KAZN: variants seen among roughly 807,000 people sequenced by gnomAD.
KAZN encodes kazrin.
KAZN carries 40 observed loss-of-function variants against 87.4 expected under a neutral mutation model. The ratio of observed to expected loss-of-function variants is 0.46; its 90% CI spans 0.36 to 0.60. KAZN has a LOEUF of 0.60. KAZN is among the 20% of genes least tolerant of loss of function. The pLI is 0.00. For missense variants in KAZN, 898 were observed against 1,073.9 expected (o/e 0.84, Z 2.29); for synonymous variants, 466 against 458.3 (o/e 1.02, Z -0.22).
chr1:14,394,974 G>T (rs1662773041), intron 2 of KAZN, among the ~76,000 whole-genome samples: 1 of 152,148 alleles, frequency 6.6e-6, no homozygotes, highest in Non-Finnish European at 1.5e-5. Context: ...CTAAGTCCTA[G>T]GCAGTGATCT....
At chr1:14,069,421 G>A (rs747336050) in intron 1 of KAZN, among the ~76,000 whole-genome samples, 9 of 152,178 alleles carry the variant, frequency 5.9e-5, no homozygotes, top group East Asian at 1.9e-4. Context: ...TGCACTGTGC[G>A]CTGGGACTCT....
chr1:14,880,688 G>C (rs1400038898), intron 1 of KAZN, among the ~76,000 whole-genome samples: 1 of 152,198 alleles, frequency 6.6e-6, no homozygotes, highest in African/African-American at 2.4e-5. Flanking sequence ...GCTGGGCTCA[G>C]CTGGGACTGC....
chr1:14,146,212 T>C (rs951407823), intron 1 of KAZN, among the ~76,000 whole-genome samples: 4 of 151,888 alleles, frequency 2.6e-5, no homozygotes, highest in African/African-American at 9.7e-5. Flanking sequence ...CCTCCTTATT[T>C]ACTGGAGGAT....
rs568450290 is a variant in KAZN, at chr1:14,333,321, A to C, written c.249+152729A>C. Among the ~76,000 whole-genome samples, 95 of 152,310 alleles carry C rather than the reference A, an allele frequency of 6.2e-4. 1 individual carries two copies. Among genetic ancestry groups the C allele is most frequent in the Non-Finnish European group, 6.5e-4 (44 of 68,034 alleles). On this transcript the variant is annotated intron_variant, in intron 2 of 16. Coordinates refer to the KAZN transcript ENST00000636203. ...TTCGGGTTGATTCCATGTCTTTGCT[A>C]TTGTGAATAGTGCTGCAGTGAACAT... is the stretch of plus-strand genomic sequence containing the variant.
chr1:14,592,645 C>T (rs1285775209), intron 2 of KAZN, among the ~76,000 whole-genome samples: 1 of 152,184 alleles, frequency 6.6e-6, no homozygotes, highest in Non-Finnish European at 1.5e-5. Flanking sequence ...ACACCGTTTG[C>T]AGGAAGTGGC....
intron 1 of KAZN, among the ~76,000 whole-genome samples, chr1:14,685,648 G>T (rs554945009): frequency 6.6e-6 from 1 of 152,310 alleles, no homozygotes; most frequent in East Asian, 1.9e-4. Flanking sequence ...TATGCCAGTT[G>T]TACTGTTATT....
At chr1:14,064,708 C>G (rs754883177) in intron 1 of KAZN, among the ~76,000 whole-genome samples, 9 of 152,220 alleles carry the variant, frequency 5.9e-5, no homozygotes, top group Non-Finnish European at 8.8e-5. Context: ...GTCAGAGGCC[C>G]TGCCTGGCAA....
chr1:14,875,592 CAGG>C (rs1652681311), intron 1 of KAZN, among the ~76,000 whole-genome samples: 1 of 152,042 alleles, frequency 6.6e-6, no homozygotes, highest in African/African-American at 2.4e-5. Context: ...AGGCACAGAC[CAGG>C]CTTCCTACGC....
At chr1:14,603,970 A>G (rs564754690) in intron 1 of KAZN, among the ~76,000 whole-genome samples, 5 of 152,300 alleles carry the variant, frequency 3.3e-5, no homozygotes, top group Admixed American at 2.0e-4. Context: ...CTATATATTC[A>G]TTCCTGGGCT....
chr1:15,053,257 C>G (rs1674606260), intron 4 of KAZN, among the ~76,000 whole-genome samples: 1 of 152,200 alleles, frequency 6.6e-6, no homozygotes, highest in Non-Finnish European at 1.5e-5. Context: ...AAGGCAGGTG[C>G]CGCCACCGAC....
chr1:13,983,274 G>C (rs1638834987), intron 1 of KAZN, among the ~76,000 whole-genome samples: 1 of 152,246 alleles, frequency 6.6e-6, no homozygotes, highest in Non-Finnish European at 1.5e-5. Flanking sequence ...GGGAGGCTCA[G>C]GCATGGCGGG....
At chr1:14,366,471 C>A (rs1427016082) in intron 2 of KAZN, among the ~76,000 whole-genome samples, 1 of 152,228 alleles carries the variant, frequency 6.6e-6, no homozygotes, top group Non-Finnish European at 1.5e-5. Flanking sequence ...CTTTCCTAAG[C>A]CCTTCACTGG....
At chr1:14,329,106 T>C (rs147174230) in intron 2 of KAZN, among the ~76,000 whole-genome samples, 84 of 152,280 alleles carry the variant, frequency 5.5e-4, no homozygotes, top group Middle Eastern at 3.4e-3. Flanking sequence ...GCTGGAACAA[T>C]GTTGTCAGAA....
At position 15,051,760 on chromosome 1, in the gene KAZN, C is replaced by T. The variant is rs1268293708; in HGVS notation, c.727-4331C>T. On this transcript the variant is annotated intron_variant, in intron 4 of 14. Transcript: ENST00000376030. ...AAGAACTGTGCCAGGGCCTGGCCAC[C>T]TCATCACACAACTCCAGAGGGTGCT... Among the ~76,000 whole-genome samples the T allele has an allele frequency of 2.6e-5, 4 of 152,298 alleles. No homozygotes were observed. The East Asian group carries it at 5.8e-4, about 22-fold the overall frequency.
Position 14,158,296 on chromosome 1 carries a change from C to A in KAZN, c.92-22139C>A, listed in dbSNP as rs539312776. Among the ~76,000 whole-genome samples, 108 of 151,856 alleles carry A rather than the reference C, an allele frequency of 7.1e-4. 1 individual carries two copies. Among genetic ancestry groups the A allele is most frequent in the African/African-American group, 2.5e-3 (105 of 41,420 alleles). On this transcript the variant is annotated intron_variant, in intron 1 of 16. Coordinates refer to the KAZN transcript ENST00000636203. Reference sequence around the variant, plus strand: ...TAGGTGTGCTTCATTGTTTTTTATTCTTTTTTCTTTTGTTTCCTCTGTCAG... The same window carrying A: ...TAGGTGTGCTTCATTGTTTTTTATTATTTTTTCTTTTGTTTCCTCTGTCAG...
chr1:14,839,836 CT>C, intron 1 of KAZN, among the ~76,000 whole-genome samples: 1 of 152,132 alleles, frequency 6.6e-6, no homozygotes, highest in Admixed American at 6.5e-5. Context: ...CACCTCAAGG[CT>C]CTGGAGGTGC....
At chr1:14,331,451 G>A (rs865781512) in intron 2 of KAZN, among the ~76,000 whole-genome samples, 4 of 152,164 alleles carry the variant, frequency 2.6e-5, no homozygotes, top group Non-Finnish European at 4.4e-5. Flanking sequence ...CCAAGGTATG[G>A]CATTGGAAGT....
chr1:14,028,627 C>G (rs557660867), intron 1 of KAZN, among the ~76,000 whole-genome samples: 1 of 152,330 alleles, frequency 6.6e-6, no homozygotes, highest in South Asian at 2.1e-4. Context: ...CATTTCTGCT[C>G]TTCATTTATG....
At chr1:14,280,370 C>CAAA (rs1162522967) in intron 2 of KAZN, among the ~76,000 whole-genome samples, 2 of 36,824 alleles carry the variant, frequency 5.4e-5, no homozygotes, top group Admixed American at 5.0e-4. Context: ...GACTCCATCT[C>CAAA]AAAAAAAAAA....
Sources: gnomAD v4.1 joint callset for allele counts (sites outside exome capture counted in the v4.1 genomes callset) on GRCh38, gnomAD v4.1.1 for gene constraint, MANE v1.5 for transcripts, NCBI Gene and HGNC (gene_info 2026-07-23, HGNC 2026-07-21) for gene names.